Variants in CHN1 observed in about 807,000 individuals in gnomAD.
CHN1 encodes chimerin 1.
CHN1 carries 37 observed loss-of-function variants against 59.5 expected under a neutral mutation model. That is an observed-to-expected ratio of 0.62 (90% CI 0.48 to 0.82). The LOEUF (loss-of-function observed/expected upper bound fraction) is 0.82, where lower values mean the gene tolerates loss of function less well. CHN1 is among the 40% of genes least tolerant of loss of function. The pLI is 0.00. For missense variants in CHN1, 469 were observed against 571.0 expected (o/e 0.82, Z 1.82); for synonymous variants, 206 against 200.4 (o/e 1.03, Z -0.24).
chr2:174,820,558 G>C (rs569372735), intron 8 of CHN1, among the ~76,000 whole-genome samples: 14 of 152,324 alleles, frequency 9.2e-5, no homozygotes, highest in African/African-American at 3.1e-4. Context: ...AAGGAGGCTA[G>C]AGGAAGGGTG....
chr2:174,895,213 TACACAC>T (rs374437666), intron 5 of CHN1, among the ~76,000 whole-genome samples: 17 of 142,420 alleles, frequency 1.2e-4, no homozygotes, highest in African/African-American at 2.9e-4. Context: ...TATATATATA[TACACAC>T]ACACACACAC....
intron 5 of CHN1, among the ~76,000 whole-genome samples, chr2:174,904,288 AT>A (rs1370036585): frequency 6.6e-6 from 1 of 152,098 alleles, no homozygotes; most frequent in East Asian, 1.9e-4. Flanking sequence ...ATAATAAAAA[AT>A]AAATTAAAAA....
At chr2:174,892,824 G>A (rs373368269) in intron 5 of CHN1, among the ~76,000 whole-genome samples, 16 of 152,146 alleles carry the variant, frequency 1.1e-4, no homozygotes, top group African/African-American at 3.9e-4. Context: ...AAATATAAAT[G>A]TAATACACTA....
chr2:174,817,499 C>CT (rs1280088800), intron 8 of CHN1, among the ~76,000 whole-genome samples: 1 of 149,922 alleles, frequency 6.7e-6, no homozygotes, highest in Admixed American at 6.6e-5. Flanking sequence ...GGGTCTCGCT[C>CT]TGTCACCCAG....
intron 11 of CHN1, among the ~76,000 whole-genome samples, chr2:174,805,891 C>CT (rs1340159201): frequency 6.6e-6 from 1 of 152,114 alleles, no homozygotes; most frequent in Non-Finnish European, 1.5e-5. Context: ...GAACCCTGGG[C>CT]TTTGAGTTGA....
At chr2:174,866,964 T>A (rs1687236027) in intron 6 of CHN1, among the ~76,000 whole-genome samples, 1 of 152,054 alleles carries the variant, frequency 6.6e-6, no homozygotes, top group African/African-American at 2.4e-5. Context: ...TTTAGCGCAT[T>A]AAATATTCTG....
intron 1 of CHN1, among the ~76,000 whole-genome samples, chr2:174,972,190 A>G (rs546410922): frequency 6.6e-6 from 1 of 152,286 alleles, no homozygotes; most frequent in Non-Finnish European, 1.5e-5. Context: ...AAGCTTGAGT[A>G]TAACCTTCAA....
intron 4 of CHN1, among the ~76,000 whole-genome samples, chr2:174,917,371 T>C (rs1688877730): frequency 6.7e-6 from 1 of 149,972 alleles, no homozygotes; most frequent in South Asian, 2.1e-4. Flanking sequence ...GAGGTGGAGG[T>C]TATAGTGAAC....
intron 8 of CHN1, chr2:174,821,871 T>G: frequency 3.3e-6 from 1 of 299,236 alleles, no homozygotes; most frequent in Non-Finnish European, 6.9e-6. Flanking sequence ...ATATCCTTAA[T>G]TTAAATGACA....
intron 5 of CHN1, among the ~76,000 whole-genome samples, chr2:174,914,606 G>T (rs1358337359): frequency 1.9e-4 from 29 of 152,022 alleles, no homozygotes; most frequent in Non-Finnish European, 1.5e-5. Context: ...CAGCACTTTG[G>T]GAGGCCAAAG....
chr2:174,946,263 T>C (rs1201731850), intron 2 of CHN1, among the ~76,000 whole-genome samples: 1 of 152,206 alleles, frequency 6.6e-6, no homozygotes, highest in Non-Finnish European at 1.5e-5. Flanking sequence ...AGACTACTTA[T>C]TATTATACAT....
chr2:174,869,561 C>A (rs1432885158), intron 6 of CHN1, among the ~76,000 whole-genome samples: 2 of 151,742 alleles, frequency 1.3e-5, no homozygotes, highest in Non-Finnish European at 2.9e-5. Flanking sequence ...TCTGGAGTTT[C>A]TATATATTGA....
At chr2:175,000,006 G>A (rs1390784945) in intron 1 of CHN1, among the ~76,000 whole-genome samples, 1 of 152,080 alleles carries the variant, frequency 6.6e-6, no homozygotes, top group Non-Finnish European at 1.5e-5. Flanking sequence ...GTACACAGAT[G>A]GTGACTATCA....
At chr2:174,824,331 C>G (rs1288035783) in intron 8 of CHN1, 103 bp downstream of exon 8, 2 of 813,796 alleles carry the variant, frequency 2.5e-6, no homozygotes, top group East Asian at 2.9e-5. Context: ...AAGACCAAAC[C>G]AGGATCCAGC....
At chr2:174,830,196 G>T (rs1685827674) in intron 7 of CHN1, among the ~76,000 whole-genome samples, 1 of 151,830 alleles carries the variant, frequency 6.6e-6, no homozygotes, top group Non-Finnish European at 1.5e-5. Flanking sequence ...TCGTGCCACT[G>T]CACTCCAGCC....
At chr2:174,954,735 C>T (rs1487640199) in intron 1 of CHN1, among the ~76,000 whole-genome samples, 1 of 152,028 alleles carries the variant, frequency 6.6e-6, no homozygotes, top group Non-Finnish European at 1.5e-5. Flanking sequence ...ATCAAAACCC[C>T]AATATGTTAA....
rs189166670 is a variant in CHN1, at chr2:174,873,778, A to C, written c.549+4062T>G. On this transcript the variant is annotated intron_variant, in intron 6 of 12. Coordinates refer to ENST00000409900, the MANE Select transcript of CHN1 (RefSeq NM_001822.7). ...TCTTCAAAAATGGAACTTAAATGTT[A>C]AAGAAATTCCTTAAAAATAAATTAA... Among the ~76,000 whole-genome samples the C allele has an allele frequency of 6.6e-5, 10 of 152,390 alleles. No individual in the cohort carries two copies. The East Asian group carries it at 1.9e-3, about 29-fold the overall frequency.
chr2:174,900,532 G>T (rs577487432), intron 5 of CHN1, among the ~76,000 whole-genome samples: 1 of 152,266 alleles, frequency 6.6e-6, no homozygotes, highest in African/African-American at 2.4e-5. Flanking sequence ...AAGGCCAGGC[G>T]CAGTGGCTCA....
At chr2:174,892,022 C>T (rs577263601) in intron 5 of CHN1, among the ~76,000 whole-genome samples, 36 of 152,216 alleles carry the variant, frequency 2.4e-4, no homozygotes, top group Non-Finnish European at 3.8e-4. Flanking sequence ...TTCACATAAA[C>T]ATATAACCTA....
Sources: allele counts gnomAD v4.1 joint callset (sites outside exome capture counted in the v4.1 genomes callset), GRCh38; gene constraint gnomAD v4.1.1; transcripts MANE v1.5; gene names NCBI Gene and HGNC (gene_info 2026-07-23, HGNC 2026-07-21).